POU2F1: variants seen among roughly 807,000 people sequenced by gnomAD.
The protein encoded by POU2F1 is POU class 2 homeobox 1.
Under a neutral mutation model 84.9 loss-of-function variants are expected in POU2F1, and 16 were observed. The ratio of observed to expected loss-of-function variants is 0.19; its 90% CI spans 0.13 to 0.29. POU2F1 has a LOEUF of 0.29. Ranked by LOEUF, POU2F1 falls within the 10% of genes least tolerant of loss-of-function variation. The probability of loss-of-function intolerance (pLI) is 1.00; values close to 1 mark genes in which losing one functional copy is unlikely to be tolerated. For missense variants in POU2F1, 738 were observed against 942.6 expected, an observed-to-expected ratio of 0.78 and a Z score of 2.84; for synonymous variants, 368 against 368.3, an observed-to-expected ratio of 1.00 and a Z score of 0.01.
At chr1:167,369,673 A>AGGACTT (rs1275919790) in intron 3 of POU2F1, among the ~76,000 whole-genome samples, 2 of 152,222 alleles carry the variant, frequency 1.3e-5, no homozygotes, top group African/African-American at 4.8e-5. Context: ...AAATGTTTTA[A>AGGACTT]GGACTTGGCT....
intron 3 of POU2F1, 107 bp downstream of exon 3, chr1:167,365,674 G>A (rs1025826557): frequency 9.4e-6 from 7 of 742,892 alleles, no homozygotes; most frequent in East Asian, 9.1e-5. Flanking sequence ...ATTATTTAAA[G>A]CCTAGTGCTA....
intron 2 of POU2F1, among the ~76,000 whole-genome samples, chr1:167,345,455 A>G (rs1323554977): frequency 1.3e-5 from 2 of 152,218 alleles, no homozygotes. Context: ...ATAGAATGCA[A>G]TAAACAAGTC....
intron 1 of POU2F1, among the ~76,000 whole-genome samples, chr1:167,330,565 A>G (rs531754270): frequency 5.9e-4 from 90 of 152,280 alleles, no homozygotes; most frequent in African/African-American, 2.0e-3. Flanking sequence ...CTTTCAGTTA[A>G]TAGTAAGTAT....
rs1648276980 is a variant in POU2F1, at chr1:167,389,963, A to G, written c.987+202A>G. 1.3e-5 allele frequency among the ~76,000 whole-genome samples: 2 copies of G among 152,240 alleles called. 1 individual carries two copies. Among genetic ancestry groups the G allele is most frequent in the South Asian group, 4.1e-4 (2 of 4,834 alleles). ...TATTTCCTAAACAATACAACAATTT[A>G]CATAGCATTTACATTATATTAAGTA... On this transcript the variant is annotated intron_variant, in intron 9 of 15. Transcript: ENST00000367866.
At chr1:167,382,679 T>A (rs1266307079) in intron 7 of POU2F1, among the ~76,000 whole-genome samples, 5 of 152,160 alleles carry the variant, frequency 3.3e-5, no homozygotes, top group African/African-American at 1.2e-4. Context: ...TTTTAAGAAA[T>A]GTTTGTAGTA....
At chr1:167,357,061 G>A (rs1658985887) in intron 2 of POU2F1, among the ~76,000 whole-genome samples, 1 of 152,038 alleles carries the variant, frequency 6.6e-6, no homozygotes, top group African/African-American at 2.4e-5. Flanking sequence ...AACAGGTGTG[G>A]ACCATTAGGA....
At chr1:167,322,913 T>TAA (rs1656425124) in intron 1 of POU2F1, among the ~76,000 whole-genome samples, 1 of 152,226 alleles carries the variant, frequency 6.6e-6, no homozygotes, top group African/African-American at 2.4e-5. Context: ...TTAAGCGGTT[T>TAA]TCCACACTGG....
chr1:167,377,040 A>G (rs1660373202), intron 7 of POU2F1, among the ~76,000 whole-genome samples: 1 of 152,226 alleles, frequency 6.6e-6, no homozygotes, highest in African/African-American at 2.4e-5. Context: ...CTTACAAAAG[A>G]GAGAATGTCA....
At chr1:167,305,678 T>G (rs1373691662) in intron 1 of POU2F1, among the ~76,000 whole-genome samples, 2 of 152,238 alleles carry the variant, frequency 1.3e-5, no homozygotes, top group Non-Finnish European at 2.9e-5. Flanking sequence ...CAGTCATATT[T>G]AGGACTTTAT....
At chr1:167,413,186 TGTGC>T (rs146182825) in intron 15 of POU2F1, 72 bp downstream of exon 15, 4 of 973,628 alleles carry the variant, frequency 4.1e-6, no homozygotes, top group Non-Finnish European at 3.0e-6. Context: ...TGTGTGTGTG[TGTGC>T]TTGAGACAGA....
At chr1:167,269,765 T>C (rs375587157) in intron 1 of POU2F1, among the ~76,000 whole-genome samples, 1 of 152,184 alleles carries the variant, frequency 6.6e-6, no homozygotes, top group South Asian at 2.1e-4. Flanking sequence ...ATACAAAAAT[T>C]AGCCAGGTGT....
chr1:167,323,533 G>A (rs1419956084), intron 1 of POU2F1, among the ~76,000 whole-genome samples: 1 of 152,134 alleles, frequency 6.6e-6, no homozygotes, highest in Admixed American at 6.5e-5. Flanking sequence ...TTAACTGACA[G>A]CCCATTCCTG....
Position 167,242,089 on chromosome 1 carries a change from C to T in POU2F1, c.61+21131C>T, listed in dbSNP as rs914076837. 3.3e-5 allele frequency among the ~76,000 whole-genome samples: 5 copies of T among 152,292 alleles called. No homozygotes were observed. The East Asian group carries it at 9.6e-4, about 29-fold the overall frequency. On this transcript the variant is annotated intron_variant, in intron 1 of 15. Transcript: ENST00000367866. ...TTATCAGGATTTTGGACCTAAGTTA[C>T]CTGTTAGGTGCTAAAATATTTTTAA...
In POU2F1 at chr1:167,365,519, A is replaced by G. The variant is rs997221028; in HGVS notation, c.180A>G (p.Gly60=). The change falls in exon 3 of 16, where the codon GGA becomes GGG. Residue 60 remains glycine, a synonymous_variant. Coordinates refer to ENST00000367866, the MANE Select transcript of POU2F1 (RefSeq NM_002697.4). ...DFQKQPVPVG[G]AISTAQAQAF... ...AGAAGCAGCCTGTGCCTGTAGGAGG[A>G]GCAATCTCAACAGCCCAGGCGCAGG... The G allele has an allele frequency of 1.1e-5, 17 of 1,603,540 alleles. No individual in the cohort carries two copies. The highest frequency in any genetic ancestry group is 7.9e-5 in the South Asian group (7 of 89,148).
chr1:167,222,714 G>A (rs908849727), intron 1 of POU2F1, among the ~76,000 whole-genome samples: 1 of 152,124 alleles, frequency 6.6e-6, no homozygotes, highest in Non-Finnish European at 1.5e-5. Flanking sequence ...CATTAAAACA[G>A]GTCCTAGCTA....
chr1:167,244,001 A>G (rs1387197936), intron 1 of POU2F1, among the ~76,000 whole-genome samples: 1 of 152,156 alleles, frequency 6.6e-6, no homozygotes, highest in African/African-American at 2.4e-5. Context: ...GTGTCTGCCC[A>G]TACTCTGAAT....
intron 7 of POU2F1, chr1:167,379,327 G>T (rs966812444): frequency 6.6e-6 from 1 of 152,144 alleles, no homozygotes; most frequent in South Asian, 2.1e-4. Context: ...CAGAAAAGTG[G>T]CATTTCCAAG....
At chr1:167,273,411 C>T (rs1652511384) in intron 1 of POU2F1, among the ~76,000 whole-genome samples, 1 of 152,212 alleles carries the variant, frequency 6.6e-6, no homozygotes, top group Admixed American at 6.5e-5. Flanking sequence ...TCTACACTGC[C>T]CTCGTAGAGG....
At chr1:167,281,459 G>A (rs1653129143) in intron 1 of POU2F1, among the ~76,000 whole-genome samples, 1 of 152,188 alleles carries the variant, frequency 6.6e-6, no homozygotes, top group Admixed American at 6.5e-5. Flanking sequence ...TTTGCCAATC[G>A]GGCAGGCCTC....
Sources: allele counts gnomAD v4.1 joint callset (sites outside exome capture counted in the v4.1 genomes callset), GRCh38; gene constraint gnomAD v4.1.1; transcripts MANE v1.5; gene names NCBI Gene and HGNC (gene_info 2026-07-23, HGNC 2026-07-21).